STX2: variants seen among roughly 807,000 people sequenced by gnomAD.
STX2 encodes syntaxin 2.
Under a neutral mutation model 40.6 loss-of-function variants are expected in STX2, and 27 were observed. The observed-to-expected ratio is 0.66, with a 90% confidence interval of 0.49 to 0.92. The LOEUF (loss-of-function observed/expected upper bound fraction) is 0.92. Among genes scored for constraint, STX2 ranks in the 40% least tolerant of loss-of-function variants. The pLI, the probability that STX2 is intolerant of heterozygous loss-of-function variation, is 0.00. For synonymous variants in STX2, 123 were observed against 119.1 expected (o/e 1.03, Z -0.22); for missense variants, 328 against 366.1 (o/e 0.90, Z 0.85).
chr12:130,792,112 A>G (rs1239540234), intron 10 of STX2, 135 bp from the exon 11 acceptor site: 1 of 561,166 alleles, frequency 1.8e-6, no homozygotes, highest in East Asian at 3.3e-5. Flanking sequence ...TCCATGTCAT[A>G]GAAAAGAATG....
intron 3 of STX2, among the ~76,000 whole-genome samples, chr12:130,818,185 A>AAAAAAAAAAATATATAT: frequency 2.0e-4 from 14 of 70,536 alleles, no homozygotes; most frequent in South Asian, 7.4e-4. Flanking sequence ...AAAAAAAAAA[A>AAAAAAAAAAATATATAT]ATATATATAT....
At chr12:130,814,998 C>T (rs574311127) in intron 3 of STX2, among the ~76,000 whole-genome samples, 4 of 152,242 alleles carry the variant, frequency 2.6e-5, no homozygotes, top group East Asian at 1.9e-4. Context: ...ACTTCAGAGG[C>T]TGAGGCAGGA....
intron 6 of STX2, among the ~76,000 whole-genome samples, chr12:130,802,084 C>A (rs1951248808): frequency 1.3e-5 from 2 of 152,146 alleles, no homozygotes; most frequent in Non-Finnish European, 1.5e-5. Flanking sequence ...TTCATAATTG[C>A]CAAAAAGTGG....
rs928644533 is a variant in STX2 at position 130,807,075 on chromosome 12, G to A, written c.370C>T (p.Arg124Trp). Residue 124 changes from arginine to tryptophan, a missense_variant, in exon 6 of 11, where the codon CGG (arginine) becomes TGG (tryptophan). By Grantham distance (101) the Arg-to-Trp change is moderately radical (BLOSUM62 -3). Coordinates refer to ENST00000392373, the MANE Select transcript of STX2 (RefSeq NM_194356.4). ...IRRTQHSVLS[R>W]KFVEAMAEYN... ...TCCGCCATGGCTTCCACAAACTTCC[G>A]AGACAGCACCGAATGCTAACAACAC... The A allele has an allele frequency of 2.2e-5, 35 of 1,614,030 alleles. No individual in the cohort carries two copies. The highest frequency in any genetic ancestry group is 1.6e-4 in the African/African-American group (12 of 74,892).
intron 3 of STX2, among the ~76,000 whole-genome samples, chr12:130,819,829 G>A (rs1006970326): frequency 2.0e-5 from 3 of 152,106 alleles, no homozygotes; most frequent in Middle Eastern, 3.4e-3. Flanking sequence ...GGGGCTGGGC[G>A]ACGGCACGAA....
intron 1 of STX2, among the ~76,000 whole-genome samples, chr12:130,829,621 C>T (rs1052388730): frequency 4.6e-5 from 7 of 152,232 alleles, no homozygotes; most frequent in African/African-American, 1.2e-4. Flanking sequence ...CCCCGCCTCT[C>T]GGGCCCACAG....
Position 130,801,143 on chromosome 12 carries a change from C to T in STX2, c.675+10G>A. On this transcript the variant is annotated intron_variant, in intron 8 of 10. Coordinates refer to ENST00000392373, the MANE Select transcript of STX2 (RefSeq NM_194356.4). Reference sequence around the variant, plus strand: ...TATCTCTCTTGGAGAATGCAAGAGTCTGTAACTACCTGAGTCTCCACAAAC... The same window carrying T: ...TATCTCTCTTGGAGAATGCAAGAGTTTGTAACTACCTGAGTCTCCACAAAC... 6.2e-7 allele frequency: 1 copy of T among 1,606,950 alleles called. No individual in the cohort carries two copies. The highest frequency in any genetic ancestry group is 8.5e-7 in the Non-Finnish European group (1 of 1,175,092).
intron 10 of STX2, among the ~76,000 whole-genome samples, chr12:130,792,730 T>C (rs1950915198): frequency 6.6e-6 from 1 of 152,250 alleles, no homozygotes; most frequent in Non-Finnish European, 1.5e-5. Flanking sequence ...CCTTCCGAAG[T>C]GTTGGGATTA....
intron 6 of STX2, among the ~76,000 whole-genome samples, chr12:130,802,017 A>G (rs568750657): frequency 6.6e-6 from 1 of 152,360 alleles, no homozygotes; most frequent in Admixed American, 6.5e-5. Flanking sequence ...GTGCCACAGA[A>G]GACAAAAGTA....
chr12:130,821,732 C>G lies in STX2; in HGVS notation c.162G>C (p.Lys54Asn), dbSNP rs1476618073. 6.2e-7 allele frequency: 1 copy of G among 1,613,676 alleles called. No homozygotes were observed. The highest frequency in any genetic ancestry group is 1.1e-5 in the South Asian group (1 of 91,066). ...DKITQYVEEV[K>N]KNHSIILSAP... ...CAGAAAGAATGATGCTGTGGTTTTT[C>G]TTTACTTCTTCAACATATTGAGTTA... Residue 54 changes from lysine to asparagine, a missense_variant, in exon 3 of 11, where the codon AAG (lysine) becomes AAC (asparagine). By Grantham distance (94) the Lys-to-Asn change is moderately conservative (BLOSUM62 0). Transcript: ENST00000392373.
chr12:130,801,297 A>G lies in STX2; in HGVS notation c.538-7T>C. The G allele has an allele frequency of 6.2e-7, 1 of 1,606,408 alleles. No individual in the cohort carries two copies. The highest frequency in any genetic ancestry group is 1.1e-5 in the South Asian group (1 of 89,462). On this transcript the variant is annotated splice_polypyrimidine_tract_variant and splice_region_variant and intron_variant, in intron 7 of 10. Coordinates refer to ENST00000392373, the MANE Select transcript of STX2 (RefSeq NM_194356.4). ...TTTGTGAATCTGATATAATCTTGGA[A>G]AAACAAAAATAAAAGATAATATTAA...
intron 10 of STX2, among the ~76,000 whole-genome samples, chr12:130,793,734 C>T (rs758476155): frequency 6.6e-5 from 10 of 152,168 alleles, no homozygotes; most frequent in African/African-American, 2.2e-4. Context: ...ACCCATGCTC[C>T]GGGGTGACAG....
chr12:130,822,332 G>A (rs1181276149), intron 2 of STX2, among the ~76,000 whole-genome samples: 1 of 151,956 alleles, frequency 6.6e-6, no homozygotes, highest in African/African-American at 2.4e-5. Context: ...CTCAAGAATC[G>A]CTTGAATCGG....
chr12:130,809,902 G>A (rs1274559306), intron 4 of STX2, among the ~76,000 whole-genome samples: 4 of 152,154 alleles, frequency 2.6e-5, no homozygotes, highest in African/African-American at 4.8e-5. Context: ...GCGTGTACCT[G>A]TAGTCACAAG....
At chr12:130,817,381 A>T (rs1951899341) in intron 3 of STX2, among the ~76,000 whole-genome samples, 1 of 152,220 alleles carries the variant, frequency 6.6e-6, no homozygotes, top group African/African-American at 2.4e-5. Flanking sequence ...TCAAACGATA[A>T]GTCAGGGAAA....
At chr12:130,817,132 AC>A (rs1951888366) in intron 3 of STX2, among the ~76,000 whole-genome samples, 1 of 152,130 alleles carries the variant, frequency 6.6e-6, no homozygotes, top group Non-Finnish European at 1.5e-5. Context: ...ATGAATGAAA[AC>A]CCAACAAAAA....
intron 1 of STX2, among the ~76,000 whole-genome samples, chr12:130,836,142 T>C (rs1038676388): frequency 6.6e-5 from 7 of 105,888 alleles, no homozygotes; most frequent in African/African-American, 2.6e-4. Flanking sequence ...ACACATTTCC[T>C]GGGGCGGGGC....
At chr12:130,795,730 A>AG (rs1276504863) in intron 10 of STX2, among the ~76,000 whole-genome samples, 2 of 152,070 alleles carry the variant, frequency 1.3e-5, no homozygotes, top group East Asian at 3.9e-4. Context: ...ACACAGCTAG[A>AG]CCCTGTCTCA....
intron 3 of STX2, among the ~76,000 whole-genome samples, 189 bp downstream of exon 3, chr12:130,821,500 T>A (rs7301518): frequency 1.3e-5 from 2 of 151,952 alleles, no homozygotes; most frequent in African/African-American, 4.8e-5. Context: ...TACAGGCAGC[T>A]TTAAGAAAAA....
Sources: allele counts gnomAD v4.1 joint callset (sites outside exome capture counted in the v4.1 genomes callset), GRCh38; gene constraint gnomAD v4.1.1; transcripts MANE v1.5; gene names NCBI Gene and HGNC (gene_info 2026-07-23, HGNC 2026-07-21).